HPSE2: variants seen among roughly 807,000 people sequenced by gnomAD.
The protein encoded by HPSE2 is heparanase 2 (inactive).
HPSE2 carries 38 observed loss-of-function variants against 60.5 expected under a neutral mutation model. The ratio of observed to expected loss-of-function variants is 0.63; its 90% CI spans 0.48 to 0.82. The LOEUF (loss-of-function observed/expected upper bound fraction) is 0.82, where lower values mean the gene tolerates loss of function less well. HPSE2 is among the 40% of genes least tolerant of loss of function. The probability of loss-of-function intolerance (pLI) is 0.00; values close to 1 mark genes in which losing one functional copy is unlikely to be tolerated. For missense variants in HPSE2, 713 were observed against 740.4 expected (o/e 0.96, Z 0.43); for synonymous variants, 295 against 293.2 (o/e 1.01, Z -0.06).
At chr10:98,556,766 T>C (rs866796772) in intron 9 of HPSE2, among the ~76,000 whole-genome samples, 4 of 152,340 alleles carry the variant, frequency 2.6e-5, no homozygotes, top group Middle Eastern at 3.4e-3. Context: ...ATGCAACCTC[T>C]GTCAGAATTT....
intron 9 of HPSE2, among the ~76,000 whole-genome samples, chr10:98,498,597 C>T (rs1430448463): frequency 3.3e-5 from 5 of 152,128 alleles, no homozygotes; most frequent in African/African-American, 1.2e-4. Flanking sequence ...GGCCCTTTAA[C>T]ACCCCCAAAA....
chr10:98,640,776 T>C (rs1946617801), intron 7 of HPSE2, among the ~76,000 whole-genome samples: 1 of 152,190 alleles, frequency 6.6e-6, no homozygotes, highest in Non-Finnish European at 1.5e-5. Flanking sequence ...TAGAGGCCCA[T>C]GGCAATTGTA....
intron 4 of HPSE2, among the ~76,000 whole-genome samples, chr10:98,738,730 A>G (rs1949420367): frequency 6.6e-6 from 1 of 152,252 alleles, no homozygotes; most frequent in African/African-American, 2.4e-5. Flanking sequence ...AACGCTCATC[A>G]TCAGTGGTCA....
chr10:98,969,823 C>T (rs1236780718), intron 3 of HPSE2, among the ~76,000 whole-genome samples: 1 of 152,158 alleles, frequency 6.6e-6, no homozygotes, highest in Non-Finnish European at 1.5e-5. Flanking sequence ...GTTCTGTAGG[C>T]TGTAGAGGAA....
chr10:98,964,457 G>A (rs941234595), intron 3 of HPSE2, among the ~76,000 whole-genome samples: 3 of 152,076 alleles, frequency 2.0e-5, no homozygotes, highest in African/African-American at 7.2e-5. Flanking sequence ...CCAGTATCAA[G>A]CATCTGCTAG....
At chr10:99,163,324 C>T (rs2133776323) in intron 2 of HPSE2, among the ~76,000 whole-genome samples, 1 of 152,198 alleles carries the variant, frequency 6.6e-6, no homozygotes. Flanking sequence ...TCTTTGATAA[C>T]ATTTTGCCAT....
chr10:98,812,349 G>A (rs780429232), intron 3 of HPSE2, among the ~76,000 whole-genome samples: 2 of 152,064 alleles, frequency 1.3e-5, no homozygotes, highest in Non-Finnish European at 2.9e-5. Context: ...GGAAAGACAG[G>A]AATAAAGGGC....
At chr10:98,978,993 G>A (rs368161269) in intron 3 of HPSE2, among the ~76,000 whole-genome samples, 9 of 152,260 alleles carry the variant, frequency 5.9e-5, no homozygotes, top group East Asian at 1.9e-4. Context: ...CTGCGAACAC[G>A]TGTTCTTTTC....
At position 99,169,504 on chromosome 10, in the gene HPSE2, C is replaced by CAAAAAAAAA. The variant is rs562946052; in HGVS notation, c.449-25114_449-25106dup. On this transcript the variant is annotated intron_variant, in intron 2 of 11. Transcript: ENST00000370552. Reference sequence around the variant, plus strand: ...TGGGTGACAGAGCAAGACTCCGTCTCAAAAAAAAAAAAAAAAAAAAAAAAA... The same window carrying CAAAAAAAAA: ...TGGGTGACAGAGCAAGACTCCGTCTCAAAAAAAAAAAAAAAAAAAAAAAAAAAAAAAAAA... Among the ~76,000 whole-genome samples, 21 of 54,734 alleles carry CAAAAAAAAA rather than the reference C, an allele frequency of 3.8e-4. 1 individual carries two copies. Among genetic ancestry groups the CAAAAAAAAA allele is most frequent in the Non-Finnish European group, 5.0e-4 (15 of 29,924 alleles). 35.9% of individuals were successfully genotyped at this position (54,734 alleles called of 152,430 possible).
rs60506210 is a variant in HPSE2 at position 99,160,898 on chromosome 10, C to CAA, written c.449-16501_449-16500dup. ...TGGGCGACACAGCGAGACTCCGTCT[C>CAA]AAAAAAAAAAAAAAAAAAAAAAGAT... On this transcript the variant is annotated intron_variant, in intron 2 of 11. Transcript: ENST00000370552. 9.5e-3 allele frequency among the ~76,000 whole-genome samples: 523 copies of CAA among 55,214 alleles called. 51 individuals carry two copies. The East Asian group carries it at 0.11, about 12-fold the overall frequency. The allele number at this position is 55,214 out of a possible 152,430, so 36.2% of individuals were successfully genotyped here.
chr10:98,956,962 C>T (rs1955525218), intron 3 of HPSE2, among the ~76,000 whole-genome samples: 1 of 152,114 alleles, frequency 6.6e-6, no homozygotes, highest in African/African-American at 2.4e-5. Flanking sequence ...CACAAGAAAG[C>T]CAGGGCACTG....
chr10:99,227,741 T>C (rs1009130361), intron 2 of HPSE2, among the ~76,000 whole-genome samples: 1 of 151,154 alleles, frequency 6.6e-6, no homozygotes, highest in African/African-American at 2.4e-5. Context: ...ATTGTGGATA[T>C]ACAATAATTA....
chr10:99,297,793 C>T, the HPSE2 span, among the ~76,000 whole-genome samples: 1 of 152,050 alleles, frequency 6.6e-6, no homozygotes, highest in Non-Finnish European at 1.5e-5. Context: ...CCCTTATTGG[C>T]TGCAATTTGG....
At chr10:98,534,046 C>T (rs1943207710) in intron 9 of HPSE2, among the ~76,000 whole-genome samples, 1 of 152,070 alleles carries the variant, frequency 6.6e-6, no homozygotes, top group Non-Finnish European at 1.5e-5. Flanking sequence ...AAGAAATTTA[C>T]AGTTTAAAAA....
chr10:99,281,089 T>C, the HPSE2 span, among the ~76,000 whole-genome samples: 16 of 151,916 alleles, frequency 1.1e-4, 2 homozygotes, highest in Non-Finnish European at 1.2e-4. Context: ...AAACTTAGAA[T>C]AGTGCCTATA....
chr10:99,156,596 T>A (rs906434190), intron 2 of HPSE2, among the ~76,000 whole-genome samples: 5 of 121,750 alleles, frequency 4.1e-5, no homozygotes, highest in African/African-American at 1.3e-4. Flanking sequence ...TGATGGGACG[T>A]ATTTCAAAAT....
At chr10:99,305,961 A>G in the HPSE2 span, among the ~76,000 whole-genome samples, 70 of 103,072 alleles carry the variant, frequency 6.8e-4, 1 homozygote, top group East Asian at 0.013. Flanking sequence ...ACTCACACAC[A>G]CGCGCGCGCG....
At chr10:99,010,494 G>A (rs1367006854) in intron 3 of HPSE2, among the ~76,000 whole-genome samples, 1 of 152,154 alleles carries the variant, frequency 6.6e-6, no homozygotes, top group Non-Finnish European at 1.5e-5. Flanking sequence ...AATTTTAAGA[G>A]AGGCAGTATA....
chr10:98,514,636 T>G (rs1298432490), intron 9 of HPSE2, among the ~76,000 whole-genome samples: 5 of 152,098 alleles, frequency 3.3e-5, no homozygotes, highest in African/African-American at 1.2e-4. Context: ...CTGGTTTTCT[T>G]CTTTAATATC....
Sources: allele counts gnomAD v4.1 joint callset (sites outside exome capture counted in the v4.1 genomes callset), GRCh38; gene constraint gnomAD v4.1.1; transcripts MANE v1.5; gene names NCBI Gene and HGNC (gene_info 2026-07-23, HGNC 2026-07-21).